The following ITGB6 variants were observed in gnomAD, a reference collection of about 807,000 sequenced individuals.
The protein encoded by ITGB6 is integrin beta-6.
ITGB6 carries 80 observed loss-of-function variants against 84.5 expected under a neutral mutation model. The observed-to-expected ratio is 0.95, with a 90% CI of 0.79 to 1.14. The LOEUF (loss-of-function observed/expected upper bound fraction) is 1.14. Among genes scored for constraint, ITGB6 ranks in the 50% most tolerant of loss-of-function variants. ITGB6 has a pLI of 0.00. For synonymous variants in ITGB6, 383 were observed against 354.9 expected (o/e 1.08, Z -0.89); for missense variants, 1,006 against 968.0 (o/e 1.04, Z -0.52).
chr2:160,110,070 C>A (rs77861561), intron 13 of ITGB6, among the ~76,000 whole-genome samples: 11 of 152,200 alleles, frequency 7.2e-5, no homozygotes, highest in African/African-American at 2.6e-4. Context: ...ACAGTTCTGT[C>A]GGATGATGCT....
intron 12 of ITGB6, among the ~76,000 whole-genome samples, chr2:160,116,873 G>C (rs1480988666): frequency 6.6e-6 from 1 of 150,710 alleles, no homozygotes; most frequent in African/African-American, 2.4e-5. Flanking sequence ...CCTAGTCTCT[G>C]ATAAAACAGA....
intron 7 of ITGB6, among the ~76,000 whole-genome samples, chr2:160,160,253 G>C (rs975406941): frequency 1.3e-5 from 2 of 152,154 alleles, no homozygotes; most frequent in Non-Finnish European, 2.9e-5. Flanking sequence ...CAGATAAATT[G>C]GAAAGCAGAG....
Position 160,200,151 on chromosome 2 carries a change from C to T in ITGB6, c.-88G>A, listed in dbSNP as rs2105902918. 1 of 1,039,412 alleles carries T rather than the reference C, an allele frequency of 9.6e-7. No homozygotes were observed. Among genetic ancestry groups the T allele is most frequent in the Non-Finnish European group, 1.5e-6 (1 of 675,016 alleles). The allele number at this position is 1,039,412 out of a possible 1,614,324, so 64.4% of individuals were successfully genotyped here. A position where few individuals can be genotyped will look rare whatever the true frequency, so the allele number is the denominator to read the frequency against. On this transcript the variant is annotated 5_prime_UTR_variant, in exon 1 of 15. Coordinates refer to ENST00000283249, the MANE Select transcript of ITGB6 (RefSeq NM_000888.5). ...AACGCTGAATATCGTTAAAGTCTTT[C>T]TTTCTTGAAGTATAACATTTTAAAT...
intron 12 of ITGB6, among the ~76,000 whole-genome samples, chr2:160,121,212 A>C (rs1446461555): frequency 6.6e-6 from 1 of 152,204 alleles, no homozygotes; most frequent in African/African-American, 2.4e-5. Context: ...ATGTTTCCCA[A>C]GGAAAAAGTA....
intron 12 of ITGB6, among the ~76,000 whole-genome samples, chr2:160,116,005 G>A (rs1203208408): frequency 6.8e-6 from 1 of 146,868 alleles, no homozygotes; most frequent in African/African-American, 2.5e-5. Context: ...AGAAATATGG[G>A]ACTATGTGAA....
intron 7 of ITGB6, among the ~76,000 whole-genome samples, 194 bp from the exon 8 acceptor site, chr2:160,142,265 A>G (rs1684028439): frequency 6.6e-6 from 1 of 152,162 alleles, no homozygotes; most frequent in Non-Finnish European, 1.5e-5. Flanking sequence ...TGGAAAATGG[A>G]CTGGACAGAG....
intron 7 of ITGB6, among the ~76,000 whole-genome samples, chr2:160,144,519 A>C (rs1684116356): frequency 6.6e-6 from 1 of 152,206 alleles, no homozygotes; most frequent in African/African-American, 2.4e-5. Context: ...AACGTGTGTA[A>C]ATTTGACTGA....
At chr2:160,113,455 C>T (rs1286273148) in intron 12 of ITGB6, among the ~76,000 whole-genome samples, 1 of 152,190 alleles carries the variant, frequency 6.6e-6, no homozygotes, top group African/African-American at 2.4e-5. Context: ...CAGGAACCAG[C>T]AAGACATTTA....
At position 160,162,781 on chromosome 2, in the gene ITGB6, G is replaced by A. The variant is rs557039879; in HGVS notation, c.1017+6431C>T. On this transcript the variant is annotated intron_variant, in intron 7 of 14. Coordinates refer to ENST00000283249, the MANE Select transcript of ITGB6 (RefSeq NM_000888.5). ...TTACAGGTGCATGCCACCACAACCT[G>A]CTAATTTTTTGTATTTTTAGTAGAG... is the stretch of plus-strand genomic sequence containing the variant. Among the ~76,000 whole-genome samples, 3 of 152,160 alleles carry A rather than the reference G, an allele frequency of 2.0e-5. No individual in the cohort carries two copies. The East Asian group carries it at 5.8e-4, about 29-fold the overall frequency.
At chr2:160,162,205 G>A (rs188846727) in intron 7 of ITGB6, among the ~76,000 whole-genome samples, 14 of 152,094 alleles carry the variant, frequency 9.2e-5, no homozygotes, top group Non-Finnish European at 1.5e-5. Flanking sequence ...AAAATGTAAA[G>A]TTTATGTTAT....
chr2:160,199,401 A>G (rs1686468401), intron 1 of ITGB6, 143 bp from the exon 2 acceptor site: 3 of 605,852 alleles, frequency 5.0e-6, no homozygotes, highest in Admixed American at 2.9e-5. Context: ...AATGTTAGCA[A>G]TTCACATAAA....
At chr2:160,150,640 C>T (rs1684377378) in intron 7 of ITGB6, among the ~76,000 whole-genome samples, 1 of 152,014 alleles carries the variant, frequency 6.6e-6, no homozygotes, top group Non-Finnish European at 1.5e-5. Flanking sequence ...GCTAAATGTC[C>T]CAATTAAAAG....
chr2:160,197,456 C>T (rs1265029765), intron 2 of ITGB6, among the ~76,000 whole-genome samples: 1 of 152,154 alleles, frequency 6.6e-6, no homozygotes, highest in Non-Finnish European at 1.5e-5. Context: ...ACCTGTCTTA[C>T]CTGATAGGCG....
intron 11 of ITGB6, among the ~76,000 whole-genome samples, chr2:160,125,495 G>T (rs1326032077): frequency 6.6e-6 from 1 of 152,196 alleles, no homozygotes; most frequent in East Asian, 1.9e-4. Context: ...ATGTCCTCAT[G>T]CTTCTCCTGG....
At chr2:160,196,473 T>G in intron 2 of ITGB6, 53 bp from the exon 3 acceptor site, 1 of 1,467,366 alleles carries the variant, frequency 6.8e-7, no homozygotes. Flanking sequence ...AATCTGAATT[T>G]CTTTATAAGA....
intron 10 of ITGB6, among the ~76,000 whole-genome samples, chr2:160,130,649 G>T (rs551841774): frequency 7.9e-5 from 12 of 152,170 alleles, no homozygotes; most frequent in African/African-American, 2.9e-4. Flanking sequence ...TCAAAGCAAA[G>T]AATAATTAAA....
At chr2:160,144,904 C>T (rs1432410827) in intron 7 of ITGB6, among the ~76,000 whole-genome samples, 1 of 152,178 alleles carries the variant, frequency 6.6e-6, no homozygotes, top group African/African-American at 2.4e-5. Flanking sequence ...TTAACACTGA[C>T]AATTGCACAG....
intron 14 of ITGB6, among the ~76,000 whole-genome samples, chr2:160,102,741 T>C (rs1255545574): frequency 2.6e-5 from 4 of 152,060 alleles, no homozygotes; most frequent in African/African-American, 4.8e-5. Context: ...GGTGTCTGGG[T>C]AAGGTACAGT....
At chr2:160,169,756 T>C (rs1685136284) in intron 6 of ITGB6, among the ~76,000 whole-genome samples, 1 of 152,226 alleles carries the variant, frequency 6.6e-6, no homozygotes, top group African/African-American at 2.4e-5. Context: ...CTATTGGAAT[T>C]GGATGAGGTG....
Sources: allele counts gnomAD v4.1 joint callset (sites outside exome capture counted in the v4.1 genomes callset), GRCh38; gene constraint gnomAD v4.1.1; transcripts MANE v1.5; gene names NCBI Gene and HGNC (gene_info 2026-07-23, HGNC 2026-07-21).